The following UPP2 variants were observed in gnomAD, a reference collection of about 807,000 sequenced individuals.
UPP2 encodes the protein uridine phosphorylase 2.
UPP2 carries 23 observed loss-of-function variants against 26.7 expected under a neutral mutation model. The observed-to-expected ratio is 0.86, with a 90% CI of 0.62 to 1.22. The LOEUF (loss-of-function observed/expected upper bound fraction) is 1.22. Among genes scored for constraint, UPP2 ranks in the 50% most tolerant of loss-of-function variants. UPP2 has a pLI of 0.00. For synonymous variants in UPP2, 127 were observed against 141.3 expected, an observed-to-expected ratio of 0.90 and a Z score of 0.72; for missense variants, 387 against 396.7, an observed-to-expected ratio of 0.98 and a Z score of 0.21.
intron 6 of UPP2, among the ~76,000 whole-genome samples, chr2:158,124,180 T>C (rs971054278): frequency 1.3e-5 from 2 of 152,204 alleles, no homozygotes; most frequent in African/African-American, 4.8e-5. Flanking sequence ...TGGCTAGTAG[T>C]TTCTATTACA....
rs138531761 is a variant in UPP2, at chr2:158,068,495, C to T, written c.148-33545C>T. On this transcript the variant is annotated intron_variant, in intron 3 of 9. Transcript: ENST00000605860. Reference sequence around the variant, plus strand: ...CAAAGCAAATGTTTGAGAAAAATCACCACTAAAGGAAAGTTTATGTATTAC... The same window carrying T: ...CAAAGCAAATGTTTGAGAAAAATCATCACTAAAGGAAAGTTTATGTATTAC... 5.6e-3 allele frequency among the ~76,000 whole-genome samples: 846 copies of T among 151,978 alleles called. 5 individuals carry two copies. Among genetic ancestry groups the T allele is most frequent in the Middle Eastern group, 0.034 (10 of 294 alleles).
At chr2:158,108,944 A>G (rs1683254232) in intron 2 of UPP2, among the ~76,000 whole-genome samples, 1 of 148,574 alleles carries the variant, frequency 6.7e-6, no homozygotes, top group South Asian at 2.1e-4. Flanking sequence ...TTGTAAATTG[A>G]GGAGCAGGTA....
At chr2:158,084,292 T>C (rs1410842714) in intron 3 of UPP2, among the ~76,000 whole-genome samples, 1 of 151,908 alleles carries the variant, frequency 6.6e-6, no homozygotes, top group Non-Finnish European at 1.5e-5. Context: ...ATGTTTGCCA[T>C]TTGTATACCT....
intron 3 of UPP2, among the ~76,000 whole-genome samples, chr2:158,040,358 T>C (rs541544245): frequency 6.6e-6 from 1 of 152,354 alleles, no homozygotes; most frequent in East Asian, 1.9e-4. Context: ...ATCTAGATTT[T>C]TGTTCATACA....
At chr2:158,054,340 G>A (rs1682211862) in intron 3 of UPP2, among the ~76,000 whole-genome samples, 1 of 151,266 alleles carries the variant, frequency 6.6e-6, no homozygotes, top group Non-Finnish European at 1.5e-5. Flanking sequence ...ATTGATAAAT[G>A]CCTGGTTTAC....
rs371197701 is a variant in UPP2 at position 158,028,065 on chromosome 2, G to A, written c.147+12179G>A. Among the ~76,000 whole-genome samples, 89 of 152,150 alleles carry A rather than the reference G, an allele frequency of 5.8e-4. 4 individuals carry two copies. In the South Asian group the frequency reaches 0.018, roughly 31 times the overall value. Reference sequence around the variant, plus strand: ...GGGCTGTTGTGAAGATCTCTGACATGCCCTGGAGACATTTTCTCCATTTTC... The same window carrying A: ...GGGCTGTTGTGAAGATCTCTGACATACCCTGGAGACATTTTCTCCATTTTC... On this transcript the variant is annotated intron_variant, in intron 3 of 9. Coordinates refer to the UPP2 transcript ENST00000605860.
At chr2:158,004,927 G>T (rs142005009) in intron 2 of UPP2, among the ~76,000 whole-genome samples, 116 of 152,306 alleles carry the variant, frequency 7.6e-4, no homozygotes, top group African/African-American at 2.7e-3. Context: ...ATTATTACAT[G>T]TTAAATTGTA....
At position 158,128,606 on chromosome 2, in the gene UPP2, T is replaced by TC. The variant is rs544685168; in HGVS notation, c.811+4712dup. ...GAGGTTAAATAACTTTCCCACCTTC[T>TC]CAGAGCTGGGAAACAGGTGAGCTGG... On this transcript the variant is annotated intron_variant, in intron 6 of 6. Transcript: ENST00000005756. Among the ~76,000 whole-genome samples the TC allele has an allele frequency of 9.5e-4, 144 of 152,286 alleles. 4 individuals are homozygous for TC. In the South Asian group the frequency reaches 0.024, roughly 25 times the overall value.
At chr2:158,127,142 A>G (rs900217190) in intron 6 of UPP2, among the ~76,000 whole-genome samples, 4 of 152,192 alleles carry the variant, frequency 2.6e-5, no homozygotes, top group African/African-American at 9.6e-5. Context: ...TTATCTTTGC[A>G]GTTAGTATTA....
chr2:158,018,247 G>A (rs969550048), intron 3 of UPP2, among the ~76,000 whole-genome samples: 11 of 152,196 alleles, frequency 7.2e-5, no homozygotes, highest in African/African-American at 2.4e-4. Context: ...ATAGCTACTT[G>A]CAAAAATATC....
At chr2:158,011,988 T>C (rs1683586370) in intron 2 of UPP2, among the ~76,000 whole-genome samples, 2 of 152,160 alleles carry the variant, frequency 1.3e-5, no homozygotes, top group Non-Finnish European at 2.9e-5. Context: ...CCCTCTTGCT[T>C]AGAGCTTACA....
intron 1 of UPP2, 91 bp from the exon 2 acceptor site, chr2:158,106,008 C>T: frequency 1.1e-6 from 1 of 931,160 alleles, no homozygotes; most frequent in Non-Finnish European, 1.6e-6. Flanking sequence ...AATAATTTAA[C>T]CCTAAAGGAA....
chr2:158,104,991 G>A (rs1320350105), intron 1 of UPP2, among the ~76,000 whole-genome samples: 12 of 43,184 alleles, frequency 2.8e-4, no homozygotes, highest in African/African-American at 5.7e-4. Flanking sequence ...AGAAGGGAAG[G>A]GAAGGGAGGG....
rs1558913756 is a variant in UPP2, at chr2:158,047,051, A to G, written c.147+31165A>G. On this transcript the variant is annotated intron_variant, in intron 3 of 9. Coordinates refer to the UPP2 transcript ENST00000605860. ...GTCTCTCTGGGTTATAAATAGAGAA[A>G]TCAGCTATCATTGTTCTTTCTATGT... 3.9e-5 allele frequency among the ~76,000 whole-genome samples: 6 copies of G among 152,192 alleles called. 1 individual carries two copies. The South Asian group carries it at 1.2e-3, about 32-fold the overall frequency.
At chr2:158,089,990 A>G (rs954201376) in intron 3 of UPP2, among the ~76,000 whole-genome samples, 3 of 151,868 alleles carry the variant, frequency 2.0e-5, no homozygotes, top group African/African-American at 7.3e-5. Context: ...TCCGAGTGGG[A>G]GCTGCAAATT....
At chr2:158,102,720 G>T (rs1278710306) in intron 1 of UPP2, among the ~76,000 whole-genome samples, 1 of 152,194 alleles carries the variant, frequency 6.6e-6, no homozygotes, top group Non-Finnish European at 1.5e-5. Context: ...GGCATAAGGA[G>T]ATTTTGCTGG....
chr2:158,038,603 C>G (rs1684038271), intron 3 of UPP2, among the ~76,000 whole-genome samples: 1 of 152,166 alleles, frequency 6.6e-6, no homozygotes, highest in Admixed American at 6.5e-5. Flanking sequence ...TAATTTCATT[C>G]TTTTTATTGC....
chr2:158,104,569 G>A (rs188596689), intron 1 of UPP2, among the ~76,000 whole-genome samples: 10 of 152,024 alleles, frequency 6.6e-5, no homozygotes, highest in Admixed American at 3.9e-4. Context: ...AGTGAGAATC[G>A]ATAAAGATAT....
intron 2 of UPP2, among the ~76,000 whole-genome samples, chr2:158,011,881 G>T (rs1683584767): frequency 6.6e-6 from 1 of 152,168 alleles, no homozygotes; most frequent in Non-Finnish European, 1.5e-5. Context: ...GGATAGGGGT[G>T]TGTTTGCTAT....
Sources: gnomAD v4.1 joint callset for allele counts (sites outside exome capture counted in the v4.1 genomes callset) on GRCh38, gnomAD v4.1.1 for gene constraint, MANE v1.5 for transcripts, NCBI Gene and HGNC (gene_info 2026-07-23, HGNC 2026-07-21) for gene names.